Variants in TERT observed in about 807,000 individuals in gnomAD.
The protein encoded by TERT is telomerase reverse transcriptase, also known as telomerase catalytic subunit.
In TERT, 42 loss-of-function variants were observed where a neutral mutation model predicts 104.0. The observed-to-expected ratio is 0.40, with a 90% CI of 0.32 to 0.52. The LOEUF is 0.52. Among genes scored for constraint, TERT ranks in the 20% least tolerant of loss-of-function variants. The probability of loss-of-function intolerance (pLI) is 0.43; values close to 1 mark genes in which losing one functional copy is unlikely to be tolerated. For synonymous variants in TERT, 781 were observed against 725.6 expected (o/e 1.08, Z -1.23); for missense variants, 1,101 against 1,610.3 (o/e 0.68, Z 5.41).
Position 1,253,664 on chromosome 5 carries a change from C to T in TERT, c.*64G>A, listed in dbSNP as rs1327773385. 40 of 1,431,320 alleles carry T rather than the reference C, an allele frequency of 2.8e-5. No individual in the cohort carries two copies. The highest frequency in any genetic ancestry group is 9.5e-5 in the Admixed American group (5 of 52,588). The allele number at this position is 1,431,320 out of a possible 1,614,324, so 88.7% of individuals were successfully genotyped here. On this transcript the variant is annotated 3_prime_UTR_variant, in exon 16 of 16. Transcript: ENST00000310581. ...GTGGGCCGCCCCTCCCTCCCTGGGA[C>T]GTAGAGCCCGGCGTGACAGGGCTGC...
At position 1,263,632 on chromosome 5, in the gene TERT, C is replaced by G. The variant is rs1346639935; in HGVS notation, c.2843+772G>C. On this transcript the variant is annotated intron_variant, in intron 11 of 15. Transcript: ENST00000310581. This position sits in a 1 kb window ranked among gnomAD's most constrained non-coding sequence, Gnocchi z 5.3. ...TGTTGGTTAGGTTGGCCTCAAACTC[C>G]TGGCCTCAAGTGATCCACCCACCTC... 6.6e-6 allele frequency among the ~76,000 whole-genome samples: 1 copy of G among 152,248 alleles called. No individual in the cohort carries two copies. The highest frequency in any genetic ancestry group is 2.4e-5 in the African/African-American group (1 of 41,464).
chr5:1,283,442 A>G (rs1750203303), intron 2 of TERT, among the ~76,000 whole-genome samples: 1 of 145,664 alleles, frequency 6.9e-6, no homozygotes, highest in South Asian at 2.2e-4. Context: ...CAGACACCGC[A>G]CATCCAGCTA....
Position 1,266,472 on chromosome 5 carries a change from G to C in TERT, c.2646C>G (p.Thr882=). ...CACGGCACGGGCCTCACCTGAGGAAGGTTTTCGCGTGGGTGAGGTGAGGTG... is the reference window on the plus strand; with the variant it reads ...CACGGCACGGGCCTCACCTGAGGAACGTTTTCGCGTGGGTGAGGTGAGGTG... ...LVTPHLTHAK[T]FLRTLVRGVP... is the part of the protein sequence containing the mutation. Residue 882 remains threonine, a synonymous_variant, in exon 10 of 16, where the codon ACC becomes ACG. Transcript: ENST00000310581. The C allele has an allele frequency of 6.2e-7, 1 of 1,609,038 alleles. No individual in the cohort carries two copies. Among genetic ancestry groups the C allele is most frequent in the Non-Finnish European group, 8.5e-7 (1 of 1,177,682 alleles).
At position 1,274,120 on chromosome 5, in the gene TERT, C is replaced by G. The variant is rs1402528436; in HGVS notation, c.2287-1840G>C. Among the ~76,000 whole-genome samples, 2 of 152,204 alleles carry G rather than the reference C, an allele frequency of 1.3e-5. No homozygotes were observed. Among genetic ancestry groups the G allele is most frequent in the Non-Finnish European group, 2.9e-5 (2 of 68,040 alleles). ...AGGAGGCCTCGAGCTTGTGAGGCATCAAAAGACGCGCACGGTGACTCTGTG... is the reference window on the plus strand; with the variant it reads ...AGGAGGCCTCGAGCTTGTGAGGCATGAAAAGACGCGCACGGTGACTCTGTG... On this transcript the variant is annotated intron_variant, in intron 6 of 15. Coordinates refer to ENST00000310581, the MANE Select transcript of TERT (RefSeq NM_198253.3). This position sits in a 1 kb window ranked among gnomAD's most constrained non-coding sequence, Gnocchi z 5.3.
chr5:1,282,362 G>T, intron 3 of TERT, 67 bp downstream of exon 3: 1 of 1,530,550 alleles, frequency 6.5e-7, no homozygotes, highest in Admixed American at 1.7e-5. Context: ...GGAGACAGGC[G>T]CATGCTGAGG....
rs921342327 is a variant in TERT at position 1,262,835 on chromosome 5, A to C, written c.2843+1569T>G. On this transcript the variant is annotated intron_variant, in intron 11 of 15. Coordinates refer to ENST00000310581, the MANE Select transcript of TERT (RefSeq NM_198253.3). This position sits in a 1 kb window ranked among gnomAD's most constrained non-coding sequence, Gnocchi z 5.6. ...TAAAAAATACATTTCATGGGGAGCA[A>C]AATAAGCAGTGGACAGTTCACAGCT... is the stretch of plus-strand genomic sequence containing the variant. 1.3e-5 allele frequency among the ~76,000 whole-genome samples: 2 copies of C among 152,226 alleles called. No homozygotes were observed. The highest frequency in any genetic ancestry group is 6.5e-5 in the Admixed American group (1 of 15,284).
intron 2 of TERT, among the ~76,000 whole-genome samples, chr5:1,284,278 C>T (rs554435453): frequency 9.1e-4 from 86 of 94,876 alleles, no homozygotes; most frequent in Non-Finnish European, 1.6e-3. Context: ...CACCCCAGAC[C>T]TGCACCATCC....
At position 1,279,478 on chromosome 5, in the gene TERT, G is replaced by A. The variant is rs1378410963; in HGVS notation, c.1951-8C>T. On this transcript the variant is annotated splice_region_variant and splice_polypyrimidine_tract_variant and intron_variant, in intron 4 of 15. Coordinates refer to ENST00000310581, the MANE Select transcript of TERT (RefSeq NM_198253.3). ...CGAGGTGAGACGCTCGGCCTGGCGG[G>A]GACAGCATGGGAGACAGTCAGGAAA... 1.3e-6 allele frequency: 2 copies of A among 1,548,246 alleles called. No homozygotes were observed. Among genetic ancestry groups the A allele is most frequent in the Non-Finnish European group, 1.7e-6 (2 of 1,147,052 alleles).
chr5:1,279,249 C>T, intron 5 of TERT, 42 bp downstream of exon 5: 1 of 1,543,944 alleles, frequency 6.5e-7, no homozygotes, highest in Non-Finnish European at 8.7e-7. Context: ...CAGCCACTCC[C>T]AAGGTCCAGC....
rs1749427147 is a variant in TERT at position 1,274,744 on chromosome 5, AC to A, written c.2287-2465del. On this transcript the variant is annotated intron_variant, in intron 6 of 15. Transcript: ENST00000310581. This position sits in a 1 kb window ranked among gnomAD's most constrained non-coding sequence, Gnocchi z 5.3. ...ACAGGCCCCAGACCGGTGCCACTCC[AC>A]AGCCAGGGGCCTCGGGATCCCTGCT... Among the ~76,000 whole-genome samples the A allele has an allele frequency of 6.6e-6, 1 of 152,220 alleles. No individual in the cohort carries two copies. Among genetic ancestry groups the A allele is most frequent in the Non-Finnish European group, 1.5e-5 (1 of 68,030 alleles).
chr5:1,294,738 C>T lies in TERT; in HGVS notation c.219+33G>A. On this transcript the variant is annotated intron_variant, in intron 1 of 15. Transcript: ENST00000310581. The stretch of plus-strand genomic sequence containing the variant: ...GCTGGTTCCCCCCGGCCGCCCTCAA[C>T]CCCAGCCGGACGCCGACCCCGGGGA... The T allele has an allele frequency of 2.6e-6, 4 of 1,564,942 alleles. No individual in the cohort carries two copies. In the South Asian group the frequency reaches 3.5e-5, roughly 14 times the overall value.
At chr5:1,264,622 G>A (rs1748468443) in intron 10 of TERT, 30 bp from the exon 11 acceptor site, 2 of 1,612,174 alleles carry the variant, frequency 1.2e-6, no homozygotes, top group East Asian at 2.2e-5. Flanking sequence ...TCAGCCCCAG[G>A]ATGCGGGGCC....
rs1396912668 is a variant in TERT, at chr5:1,282,608, C to T, written c.1590G>A (p.Pro530=). The change falls in exon 3 of 16, where the codon CCG becomes CCA. Residue 530 remains proline, a synonymous_variant. Transcript: ENST00000310581. ...CCTCACGCAGACGGTGCTCTGCGGC[C>T]GGAACACAGCCAACCCCTTAAACGA... is the stretch of plus-strand genomic sequence containing the variant. The part of the protein sequence containing the change: ...LRRSPGVGCV[P]AAEHRLREEI... 6.8e-6 allele frequency: 11 copies of T among 1,613,894 alleles called. No homozygotes were observed. Among genetic ancestry groups the T allele is most frequent in the Middle Eastern group, 1.6e-4 (1 of 6,082 alleles).
chr5:1,279,586 C>T (rs35247701), intron 4 of TERT, 116 bp from the exon 5 acceptor site: 12,897 of 1,078,640 alleles, frequency 0.012, 126 homozygotes, highest in African/African-American at 0.017. Flanking sequence ...CACCCAGACC[C>T]GGGACCTAGA....
chr5:1,279,698 A>C lies in TERT; in HGVS notation c.1951-228T>G, dbSNP rs34227159. Among the ~76,000 whole-genome samples the C allele has an allele frequency of 5.6e-3, 851 of 151,634 alleles. 4 individuals carry two copies. Among genetic ancestry groups the C allele is most frequent in the African/African-American group, 0.019 (765 of 41,318 alleles). ...CACACCTCTGTCCACCTCACCCCAC[A>C]CTCTCCTCAGATGACGGGGTCACCG... On this transcript the variant is annotated intron_variant, in intron 4 of 15. Coordinates refer to ENST00000310581, the MANE Select transcript of TERT (RefSeq NM_198253.3).
chr5:1,253,382 G>T lies in TERT; in HGVS notation c.*346C>A. ...AAGGCAAAGGAGGGCAGGGCGAGGG[G>T]TGAACAATGGCGAATCTGGGGATGG... is the stretch of plus-strand genomic sequence containing the variant. On this transcript the variant is annotated 3_prime_UTR_variant, in exon 16 of 16. Transcript: ENST00000310581. 2 of 460,588 alleles carry T rather than the reference G, an allele frequency of 4.3e-6. No homozygotes were observed. Among genetic ancestry groups the T allele is most frequent in the South Asian group, 4.5e-5 (2 of 43,976 alleles). 28.5% of individuals were successfully genotyped at this position (460,588 alleles called of 1,614,324 possible).
rs369539932 is a variant in TERT, at chr5:1,282,609, G to T, written c.1589C>A (p.Pro530Gln). 3 of 1,613,990 alleles carry T rather than the reference G, an allele frequency of 1.9e-6. No homozygotes were observed. Among genetic ancestry groups the T allele is most frequent in the South Asian group, 1.1e-5 (1 of 91,088 alleles). The change falls in exon 3 of 16, where the codon CCG becomes CAG. Residue 530 changes from proline (P) to glutamine (Q), a missense_variant. Pro to Gln is a moderately conservative substitution (Grantham distance 76). Coordinates refer to ENST00000310581, the MANE Select transcript of TERT (RefSeq NM_198253.3). Reference sequence around the variant, plus strand: ...CTCACGCAGACGGTGCTCTGCGGCCGGAACACAGCCAACCCCTTAAACGAG... The same window carrying T: ...CTCACGCAGACGGTGCTCTGCGGCCTGAACACAGCCAACCCCTTAAACGAG... ...LRRSPGVGCV[P>Q]AAEHRLREEI...
At position 1,254,124 on chromosome 5, in the gene TERT, G is replaced by A. The variant is rs1257789959; in HGVS notation, c.3295+244C>T. ...GTCAGGGGTCAGAAGGCTCCCAAGC[G>A]TGGGGAGCCATCGCCCCTGAGATGG... On this transcript the variant is annotated intron_variant, in intron 15 of 15. Transcript: ENST00000310581. Among the ~76,000 whole-genome samples, 4 of 152,200 alleles carry A rather than the reference G, an allele frequency of 2.6e-5. No homozygotes were observed. The East Asian group carries it at 7.7e-4, about 29-fold the overall frequency.
chr5:1,280,462 G>A, intron 3 of TERT, 124 bp from the exon 4 acceptor site: 1 of 1,101,294 alleles, frequency 9.1e-7, no homozygotes, highest in Non-Finnish European at 1.3e-6. Context: ...AGCACACGCT[G>A]AAGGCCATGC....
Sources: allele counts gnomAD v4.1 joint callset (sites outside exome capture counted in the v4.1 genomes callset), GRCh38; gene constraint gnomAD v4.1.1; non-coding constraint Gnocchi (gnomAD v3.1); transcripts MANE v1.5; gene names NCBI Gene and HGNC (gene_info 2026-07-23, HGNC 2026-07-21).